TEX11: variants seen among roughly 807,000 people sequenced by gnomAD.
The protein encoded by TEX11 is testis expressed 11.
In TEX11, 7 loss-of-function variants were observed where a neutral mutation model predicts 84.4. The ratio of observed to expected loss-of-function variants is 0.08; its 90% CI spans 0.05 to 0.16. TEX11 has a LOEUF of 0.16. TEX11 is among the 10% of genes least tolerant of loss of function. TEX11 has a pLI of 1.00. For missense variants in TEX11, 551 were observed against 660.5 expected, an observed-to-expected ratio of 0.83 and a Z score of 1.82; for synonymous variants, 264 against 222.8, an observed-to-expected ratio of 1.18 and a Z score of -1.64.
downstream of TEX11, among the ~76,000 whole-genome samples, chrX:70,524,623 T>C (rs188012677): frequency 5.7e-3 from 642 of 112,862 alleles, 3 homozygotes; most frequent in African/African-American, 0.018. Context: ...TTGAGTGCAA[T>C]GGCACGATCT....
chrX:70,883,647 G>C lies in TEX11; in HGVS notation c.38-3538C>G, dbSNP rs923019971. Reference sequence around the variant, plus strand: ...ACTGTATTAAGGTTTTGTCAAGCAAGATTGTACGTTTTGAAAAAAATTATT... The same window carrying C: ...ACTGTATTAAGGTTTTGTCAAGCAACATTGTACGTTTTGAAAAAAATTATT... On this transcript the variant is annotated intron_variant, in intron 2 of 29. Coordinates refer to ENST00000374333, the MANE Select transcript of TEX11 (RefSeq NM_031276.3). Among the ~76,000 whole-genome samples the C allele has an allele frequency of 2.7e-5, 3 of 111,637 alleles. No homozygotes were observed. The Admixed American group carries it at 2.9e-4, about 11-fold the overall frequency.
intron 8 of TEX11, among the ~76,000 whole-genome samples, chrX:70,823,292 T>C (rs2091327914): frequency 9.0e-6 from 1 of 110,885 alleles, no homozygotes; most frequent in African/African-American, 3.3e-5. Context: ...AAAGTTTCAG[T>C]TATATAAGAT....
In TEX11 at chrX:70,822,901, T is replaced by G. The variant is rs754736242; in HGVS notation, c.606+10612A>C. Among the ~76,000 whole-genome samples, 3 of 110,597 alleles carry G rather than the reference T, an allele frequency of 2.7e-5. No individual in the cohort carries two copies. In the South Asian group the frequency reaches 1.2e-3, roughly 43 times the overall value. ...AATAGAGAGAACTCACTCATTACCA[T>G]GAGGACTGCACCAAGCCATTCATGA... On this transcript the variant is annotated intron_variant, in intron 8 of 29. Transcript: ENST00000374333.
chrX:70,701,158 T>C (rs1450590188), intron 13 of TEX11, among the ~76,000 whole-genome samples: 9 of 112,365 alleles, frequency 8.0e-5, no homozygotes, highest in Non-Finnish European at 1.7e-4. Context: ...CACTAAATAA[T>C]AAATTTTCAA....
intron 13 of TEX11, among the ~76,000 whole-genome samples, chrX:70,688,750 T>TTA (rs747983904): frequency 2.8e-5 from 3 of 107,179 alleles, no homozygotes; most frequent in South Asian, 4.0e-4. Context: ...TGCATACAAA[T>TTA]TATATATATA....
At chrX:70,793,047 A>G (rs2091134329) in intron 9 of TEX11, among the ~76,000 whole-genome samples, 1 of 111,941 alleles carries the variant, frequency 8.9e-6, no homozygotes, top group African/African-American at 3.2e-5. Flanking sequence ...ATATATTCAA[A>G]TCAATGAATG....
At chrX:70,591,846 G>A (rs1212059320) in intron 24 of TEX11, 23 bp from the exon 25 acceptor site, 2 of 1,142,113 alleles carry the variant, frequency 1.8e-6, no homozygotes, top group Non-Finnish European at 2.4e-6. Context: ...AGTGCAACAA[G>A]TTAATTAGTC....
At chrX:70,770,744 C>T (rs924622551) in intron 9 of TEX11, among the ~76,000 whole-genome samples, 13 of 110,992 alleles carry the variant, frequency 1.2e-4, no homozygotes, top group Non-Finnish European at 2.3e-4. Flanking sequence ...AAAGAAATTA[C>T]GTAATCTAGG....
intron 9 of TEX11, among the ~76,000 whole-genome samples, chrX:70,779,747 A>G (rs1009779340): frequency 1.5e-4 from 17 of 111,428 alleles, no homozygotes; most frequent in Non-Finnish European, 3.0e-4. Context: ...AGAGACTGCT[A>G]TGAACAATTA....
At chrX:70,670,099 T>C (rs1646421718) in intron 16 of TEX11, among the ~76,000 whole-genome samples, 1 of 112,236 alleles carries the variant, frequency 8.9e-6, no homozygotes, top group South Asian at 3.7e-4. Context: ...GATAACTTTG[T>C]TCAGGAGTTC....
intron 9 of TEX11, among the ~76,000 whole-genome samples, chrX:70,744,694 A>ATATT (rs1831045887): frequency 9.1e-6 from 1 of 109,826 alleles, no homozygotes; most frequent in East Asian, 2.8e-4. Flanking sequence ...ATATAAATAT[A>ATATT]TATTTATTTA....
At chrX:70,625,514 C>G (rs967929112) in intron 18 of TEX11, among the ~76,000 whole-genome samples, 6 of 111,270 alleles carry the variant, frequency 5.4e-5, no homozygotes, top group Non-Finnish European at 1.1e-4. Flanking sequence ...CTCTCACTAG[C>G]TTACCCATAG....
chrX:70,687,977 C>A (rs1015402479), intron 13 of TEX11, among the ~76,000 whole-genome samples: 7 of 110,617 alleles, frequency 6.3e-5, no homozygotes, highest in Non-Finnish European at 1.3e-4. Context: ...GAAAAAAAAA[C>A]TGCATGGAGC....
chrX:70,712,347 G>A (rs1346172646), intron 13 of TEX11, among the ~76,000 whole-genome samples: 5 of 111,570 alleles, frequency 4.5e-5, no homozygotes, highest in Non-Finnish European at 9.4e-5. Context: ...GTAGCTTGAT[G>A]GGGATTGCAT....
At chrX:70,857,577 A>C in intron 5 of TEX11, 1 of 271,058 alleles carries the variant, frequency 3.7e-6, no homozygotes, top group South Asian at 4.3e-5. Context: ...AAGATATGTC[A>C]TATATCTCAA....
At chrX:70,587,098 G>A (rs758625775) in intron 25 of TEX11, among the ~76,000 whole-genome samples, 2 of 112,013 alleles carry the variant, frequency 1.8e-5, no homozygotes, top group Non-Finnish European at 3.8e-5. Context: ...GAGACGATCT[G>A]AAATTGGAAC....
intron 28 of TEX11, among the ~76,000 whole-genome samples, chrX:70,543,050 C>T (rs2088067937): frequency 9.1e-6 from 1 of 110,131 alleles, no homozygotes; most frequent in Non-Finnish European, 1.9e-5. Context: ...GGTGTGGTGG[C>T]GGGTGCCTGT....
chrX:70,746,323 G>T (rs1286795834), intron 9 of TEX11, among the ~76,000 whole-genome samples: 1 of 111,065 alleles, frequency 9.0e-6, no homozygotes, highest in Non-Finnish European at 1.9e-5. Context: ...GAGAGGACTG[G>T]CTTTTCTTTG....
chrX:70,622,620 C>T (rs1165607005), intron 20 of TEX11, among the ~76,000 whole-genome samples: 1 of 111,865 alleles, frequency 8.9e-6, no homozygotes, highest in African/African-American at 3.2e-5. Context: ...CCTAAAGGTA[C>T]TCTTACAATC....
Sources: allele counts gnomAD v4.1 joint callset (sites outside exome capture counted in the v4.1 genomes callset), GRCh38; gene constraint gnomAD v4.1.1; transcripts MANE v1.5; gene names NCBI Gene and HGNC (gene_info 2026-07-23, HGNC 2026-07-21).